SHARPIN: variants seen among roughly 807,000 people sequenced by gnomAD.
SHARPIN encodes SHANK associated RH domain interactor, also known as hSIPL1.
Under a neutral mutation model 40.3 loss-of-function variants are expected in SHARPIN, and 25 were observed. That is an observed-to-expected ratio of 0.62 (90% CI 0.45 to 0.87). The LOEUF (loss-of-function observed/expected upper bound fraction) is 0.87, where lower values mean the gene tolerates loss of function less well. Among genes scored for constraint, SHARPIN ranks in the 40% least tolerant of loss-of-function variants. The probability of loss-of-function intolerance (pLI) is 0.00; values close to 1 mark genes in which losing one functional copy is unlikely to be tolerated. For missense variants in SHARPIN, 551 were observed against 516.1 expected, an observed-to-expected ratio of 1.07 and a Z score of -0.66; for synonymous variants, 274 against 221.8, an observed-to-expected ratio of 1.24 and a Z score of -2.09.
chr8:144,099,537 G>A lies in SHARPIN; in HGVS notation c.741C>T (p.His247=), dbSNP rs761689468. 2 of 1,614,044 alleles carry A rather than the reference G, an allele frequency of 1.2e-6. No individual in the cohort carries two copies. The highest frequency in any genetic ancestry group is 1.7e-6 in the Non-Finnish European group (2 of 1,180,000). Residue 247 remains histidine, a synonymous_variant, in exon 5 of 9, where the codon CAC becomes CAT. Coordinates refer to ENST00000398712, the MANE Select transcript of SHARPIN (RefSeq NM_030974.4). ...SAHVALQVHP[H]CTVAALQEQV... is the part of the protein sequence containing the mutation. The stretch of plus-strand genomic sequence containing the variant: ...GCTCCTGGAGAGCTGCAACAGTGCA[G>A]TGGGGGTGGACCTGCAGGGCAACGT...
chr8:144,103,569 C>A lies in SHARPIN; in HGVS notation c.185G>T (p.Gly62Val). The A allele has an allele frequency of 3.9e-6, 6 of 1,531,108 alleles. No homozygotes were observed. Among genetic ancestry groups the A allele is most frequent in the Non-Finnish European group, 5.2e-6 (6 of 1,145,062 alleles). The allele number at this position is 1,531,108 out of a possible 1,614,324, so 94.8% of individuals were successfully genotyped here. Residue 62 changes from glycine to valine, a missense_variant, in exon 1 of 9, where the codon GGC (glycine) becomes GTC (valine). Transcript: ENST00000398712. ...CCCACTCACCGCCCCAGGTCCCGCGCCCAGCAGCTCCAGCCGGAAGCGCCC... is the reference window on the plus strand; with the variant it reads ...CCCACTCACCGCCCCAGGTCCCGCGACCAGCAGCTCCAGCCGGAAGCGCCC... ...RPGRFRLELL[G>V]AGPGAVNLEW...
chr8:144,099,228 T>C (rs988614734), intron 6 of SHARPIN, 23 bp from the exon 7 acceptor site: 4 of 1,612,352 alleles, frequency 2.5e-6, no homozygotes, highest in Non-Finnish European at 3.4e-6. Context: ...AGCTCAGGAC[T>C]GTGGGGCTGC....
intron 2 of SHARPIN, chr8:144,102,569 G>A (rs1426858657): frequency 2.3e-5 from 4 of 171,076 alleles, no homozygotes; most frequent in South Asian, 2.2e-4. Context: ...CACCCCACCC[G>A]GCCACTAATT....
chr8:144,102,408 G>C (rs1269937210), intron 2 of SHARPIN, among the ~76,000 whole-genome samples: 1 of 151,980 alleles, frequency 6.6e-6, no homozygotes, highest in Non-Finnish European at 1.5e-5. Context: ...CAAGTAGCTG[G>C]GACTACAGGC....
intron 2 of SHARPIN, among the ~76,000 whole-genome samples, chr8:144,102,275 CTT>C (rs11433813): frequency 5.9e-5 from 8 of 136,664 alleles, no homozygotes; most frequent in Non-Finnish European, 4.6e-5. Context: ...ATTCCATCTT[CTT>C]TTTTTTTTTT....
intron 2 of SHARPIN, among the ~76,000 whole-genome samples, chr8:144,101,414 T>TC (rs1836284910): frequency 7.0e-6 from 1 of 142,264 alleles, no homozygotes. Context: ...TTTTTTTTTT[T>TC]TTTTTTTTTT....
intron 2 of SHARPIN, 105 bp from the exon 3 acceptor site, chr8:144,100,174 G>GGCCCT (rs1276848010): frequency 1.4e-6 from 2 of 1,405,440 alleles, no homozygotes; most frequent in African/African-American, 2.9e-5. Context: ...TCCATGCCAG[G>GGCCCT]GCCCTGCCTC....
chr8:144,103,152 G>T lies in SHARPIN; in HGVS notation c.275C>A (p.Pro92Gln). The change falls in exon 2 of 9, where the codon CCA becomes CAA. Residue 92 changes from proline (P) to glutamine (Q), a missense_variant. Coordinates refer to ENST00000398712, the MANE Select transcript of SHARPIN (RefSeq NM_030974.4). Reference sequence around the variant, plus strand: ...GCTGAGGGTTCCAGGCCCTCCTGGTGGAGGCTGTAGCTCGTGCTGGGTGGG... The same window carrying T: ...GCTGAGGGTTCCAGGCCCTCCTGGTTGAGGCTGTAGCTCGTGCTGGGTGGG... ...RGPTQHELQP[P>Q]PGGPGTLSLH... is the part of the protein sequence containing the mutation. 6.2e-7 allele frequency: 1 copy of T among 1,613,774 alleles called. No individual in the cohort carries two copies. Among genetic ancestry groups the T allele is most frequent in the Non-Finnish European group, 8.5e-7 (1 of 1,179,984 alleles).
At chr8:144,099,869 G>A (rs748840660) in intron 3 of SHARPIN, 25 bp from the exon 4 acceptor site, 5 of 1,611,622 alleles carry the variant, frequency 3.1e-6, no homozygotes, top group East Asian at 2.2e-5. Context: ...AAGGACAGCT[G>A]TCACCACTGG....
At position 144,101,086 on chromosome 8, in the gene SHARPIN, C is replaced by G. The variant is rs527638837; in HGVS notation, c.377-1017G>C. On this transcript the variant is annotated intron_variant, in intron 2 of 8. Transcript: ENST00000398712. ...CCGACCTCAGGTGATCTGCCCACCTCGGCCTCCCAAAGTGCTGGGATGATA... is the reference window on the plus strand; with the variant it reads ...CCGACCTCAGGTGATCTGCCCACCTGGGCCTCCCAAAGTGCTGGGATGATA... Among the ~76,000 whole-genome samples the G allele has an allele frequency of 3.4e-4, 52 of 152,112 alleles. 1 individual carries two copies. The highest frequency in any genetic ancestry group is 1.1e-3 in the African/African-American group (44 of 41,502).
At position 144,099,582 on chromosome 8, in the gene SHARPIN, T is replaced by C; in HGVS notation, c.696A>G (p.Ala232=). Residue 232 remains alanine, a synonymous_variant, in exon 5 of 9, where the codon GCA becomes GCG. Coordinates refer to ENST00000398712, the MANE Select transcript of SHARPIN (RefSeq NM_030974.4). ...CAACGTGTGCAGAGGACGCGGCGGA[T>C]GCGGCAGAGGCAGCGTCTTCAAGTG... ...QVTLEDAASA[A]SAASSAHVAL... 6.2e-7 allele frequency: 1 copy of C among 1,614,046 alleles called. No homozygotes were observed. The highest frequency in any genetic ancestry group is 8.5e-7 in the Non-Finnish European group (1 of 1,179,972).
chr8:144,101,622 T>C (rs1281049539), intron 2 of SHARPIN, among the ~76,000 whole-genome samples: 5 of 149,092 alleles, frequency 3.4e-5, no homozygotes, highest in African/African-American at 5.0e-5. Flanking sequence ...TTCACCGTGT[T>C]AGCCAGGATG....
chr8:144,099,825 C>T lies in SHARPIN; in HGVS notation c.537G>A (p.Leu179=), dbSNP rs756359356. The T allele has an allele frequency of 3.1e-6, 5 of 1,612,558 alleles. No homozygotes were observed. Among genetic ancestry groups the T allele is most frequent in the Non-Finnish European group, 3.4e-6 (4 of 1,179,988 alleles). The change falls in exon 4 of 9, where the codon CTG becomes CTA. Residue 179 remains leucine (L), a synonymous_variant. Transcript: ENST00000398712. Reference sequence around the variant, plus strand: ...CGTCTCCACCTGCAATAGCCCGGGCCAGGCTCCCTGCCAGCTCTTCTGCAG... The same window carrying T: ...CGTCTCCACCTGCAATAGCCCGGGCTAGGCTCCCTGCCAGCTCTTCTGCAG... ...LTEREELAGS[L]ARAIAGGDEK...
Position 144,103,208 on chromosome 8 carries a change from G to A in SHARPIN, c.219C>T (p.Pro73=), listed in dbSNP as rs1836325220. 3.1e-6 allele frequency: 5 copies of A among 1,608,704 alleles called. No homozygotes were observed. The highest frequency in any genetic ancestry group is 4.2e-6 in the Non-Finnish European group (5 of 1,177,400). Residue 73 remains proline (P), a synonymous_variant, in exon 2 of 9, where the codon CCC becomes CCT. Coordinates refer to ENST00000398712, the MANE Select transcript of SHARPIN (RefSeq NM_030974.4). ...AGPGAVNLEW[P]LESVSYTIRG... ...GGATGGTGTAGGAAACTGACTCCAG[G>A]GGCCACTCCAAATTAACCTGAGAAG...
In SHARPIN at chr8:144,103,654, C is replaced by G; in HGVS notation, c.100G>C (p.Gly34Arg). Reference sequence around the variant, plus strand: ...CGCAGCTGTGCCTCGGCGTCTGGCCCGGCGCCCAGCGGCCTCACCGCGGCG... The same window carrying G: ...CGCAGCTGTGCCTCGGCGTCTGGCCGGGCGCCCAGCGGCCTCACCGCGGCG... ...VHAAVRPLGA[G>R]PDAEAQLRRL... Residue 34 changes from glycine (G) to arginine (R), a missense_variant, in exon 1 of 9, where the codon GGG (glycine) becomes CGG (arginine). Gly to Arg is a moderately radical substitution (Grantham distance 125, BLOSUM62 -2). Transcript: ENST00000398712. 1 of 1,522,760 alleles carries G rather than the reference C, an allele frequency of 6.6e-7. No homozygotes were observed. Among genetic ancestry groups the G allele is most frequent in the East Asian group, 2.5e-5 (1 of 39,796 alleles). 94.3% of individuals were successfully genotyped at this position (1,522,760 alleles called of 1,614,324 possible). A position where few individuals can be genotyped will look rare whatever the true frequency, so the allele number is the denominator to read the frequency against.
Position 144,099,374 on chromosome 8 carries a change from G to C in SHARPIN, c.825C>G (p.Cys275Trp). The C allele has an allele frequency of 1.1e-5, 17 of 1,613,808 alleles. No individual in the cohort carries two copies. Among genetic ancestry groups the C allele is most frequent in the Non-Finnish European group, 1.4e-5 (17 of 1,179,884 alleles). The change falls in exon 6 of 9, where the codon TGC becomes TGG. Residue 275 changes from cysteine to tryptophan, a missense_variant. Cys to Trp is a radical substitution (Grantham distance 215, BLOSUM62 -2). Coordinates refer to ENST00000398712, the MANE Select transcript of SHARPIN (RefSeq NM_030974.4). ...CAAGGCTGCGCTCAGGCACACACAG[G>C]CACCGTCCGATGACCCAGCGTTGCA... Reference protein sequence around the residue: ...PAVQRWVIGRCLCVPERSLAS... With the variant: ...PAVQRWVIGRWLCVPERSLAS...
intron 2 of SHARPIN, among the ~76,000 whole-genome samples, chr8:144,100,578 G>A (rs111322040): frequency 1.3e-5 from 2 of 152,338 alleles, no homozygotes; most frequent in African/African-American, 2.4e-5. Context: ...TGCAATGGGG[G>A]GGTCCCCATC....
chr8:144,099,936 C>T lies in SHARPIN; in HGVS notation c.510G>A (p.Thr170=), dbSNP rs761160185. The change falls in exon 3 of 9, where the codon ACG becomes ACA. Residue 170 remains threonine, a synonymous_variant. Transcript: ENST00000398712. The stretch of plus-strand genomic sequence containing the variant: ...CCCTCCCCCCACCTGTACCTCTCTC[C>T]GTCAAGTTTCCAGGGCTCCTAGGAA... ...ADLPRSPGNL[T]EREELAGSLA... 89 of 1,610,744 alleles carry T rather than the reference C, an allele frequency of 5.5e-5. No individual in the cohort carries two copies. The Admixed American group carries it at 7.4e-4, about 13-fold the overall frequency.
chr8:144,103,716 G>A lies in SHARPIN; in HGVS notation c.38C>T (p.Ser13Leu), dbSNP rs1432063065. 8.5e-6 allele frequency: 12 copies of A among 1,410,434 alleles called. No homozygotes were observed. In the African/African-American group the frequency reaches 1.4e-4, roughly 16 times the overall value. 87.4% of individuals were successfully genotyped at this position (1,410,434 alleles called of 1,614,324 possible). The change falls in exon 1 of 9, where the codon TCG becomes TTG. Residue 13 changes from serine (S) to leucine (L), a missense_variant. Coordinates refer to ENST00000398712, the MANE Select transcript of SHARPIN (RefSeq NM_030974.4). The stretch of plus-strand genomic sequence containing the variant: ...GAGCACTGCGGCGGAGCCCAAGTCC[G>A]AGGCCGCCGCCGCCGCCCCGCCCGC... ...PPAGGAAAAASDLGSAAVLLA... is the reference protein window; with the variant it reads ...PPAGGAAAAALDLGSAAVLLA...
Sources: gnomAD v4.1 joint callset for allele counts (sites outside exome capture counted in the v4.1 genomes callset) on GRCh38, gnomAD v4.1.1 for gene constraint, MANE v1.5 for transcripts, NCBI Gene and HGNC (gene_info 2026-07-23, HGNC 2026-07-21) for gene names.